The following DNAH11 variants were observed in gnomAD, a reference collection of about 807,000 sequenced individuals.
DNAH11 encodes the protein axonemal beta dynein heavy chain 11.
In DNAH11, 442 loss-of-function variants were observed where a neutral mutation model predicts 526.0. The ratio of observed to expected loss-of-function variants is 0.84; its 90% CI spans 0.78 to 0.91. The LOEUF (loss-of-function observed/expected upper bound fraction) is 0.91, where lower values mean the gene tolerates loss of function less well. DNAH11 is among the 40% of genes least tolerant of loss of function. DNAH11 has a pLI of 0.00. For missense variants in DNAH11, 6,989 were observed against 5,448.7 expected (o/e 1.28, Z -8.90); for synonymous variants, 2,461 against 1,935.9 (o/e 1.27, Z -7.12).
At chr7:21,570,583 G>A (rs1004518482) in intron 7 of DNAH11, 1 of 235,948 alleles carries the variant, frequency 4.2e-6, no homozygotes, top group Admixed American at 5.4e-5. Flanking sequence ...TAATCTGAGA[G>A]AGAGTTGTAA....
At position 21,588,646 on chromosome 7, in the gene DNAH11, T is replaced by G; in HGVS notation, c.1973+10T>G. Reference sequence around the variant, plus strand: ...CATCTCTCCGTTATCTGTAAGTAGTTAAGCTTAGGTCATGGCAAGTTATTC... The same window carrying G: ...CATCTCTCCGTTATCTGTAAGTAGTGAAGCTTAGGTCATGGCAAGTTATTC... On this transcript the variant is annotated intron_variant, in intron 11 of 81. Transcript: ENST00000409508. 6.2e-7 allele frequency: 1 copy of G among 1,612,252 alleles called. No homozygotes were observed. The highest frequency in any genetic ancestry group is 2.2e-5 in the East Asian group (1 of 44,844).
At chr7:21,806,233 A>G (rs1789259171) in intron 62 of DNAH11, among the ~76,000 whole-genome samples, 1 of 152,226 alleles carries the variant, frequency 6.6e-6, no homozygotes, top group African/African-American at 2.4e-5. Flanking sequence ...GTGAATCTTC[A>G]AATCTCAAAG....
At chr7:21,704,692 A>C in intron 38 of DNAH11, 64 bp downstream of exon 38, 1 of 1,537,800 alleles carries the variant, frequency 6.5e-7, no homozygotes, top group Non-Finnish European at 8.7e-7. Flanking sequence ...ATTGTGGCTA[A>C]TTGATACTAA....
rs1316621813 is a variant in DNAH11, at chr7:21,601,474, T to C, written c.3504T>C (p.Gly1168=). The change falls in exon 18 of 82, where the codon GGT becomes GGC. Residue 1168 remains glycine (G), a synonymous_variant. Coordinates refer to ENST00000409508, the MANE Select transcript of DNAH11 (RefSeq NM_001277115.2). The part of the protein sequence containing the change: ...QRELNEGDHD[G]LVDIMVHLLA... ...AATTAAATGAAGGTGATCATGATGGTTTAGTTGACATCATGGTGCATCTTC... is the reference window on the plus strand; with the variant it reads ...AATTAAATGAAGGTGATCATGATGGCTTAGTTGACATCATGGTGCATCTTC... The C allele has an allele frequency of 6.8e-6, 11 of 1,613,800 alleles. No homozygotes were observed. The highest frequency in any genetic ancestry group is 1.3e-5 in the African/African-American group (1 of 75,020).
chr7:21,725,124 G>T (rs1439529060), intron 44 of DNAH11, among the ~76,000 whole-genome samples: 1 of 152,212 alleles, frequency 6.6e-6, no homozygotes, highest in Non-Finnish European at 1.5e-5. Context: ...CCAGTAAAGA[G>T]AGCCTGTTCC....
chr7:21,781,306 G>A (rs192842222), intron 57 of DNAH11, among the ~76,000 whole-genome samples: 102 of 152,256 alleles, frequency 6.7e-4, no homozygotes, highest in Admixed American at 1.8e-3. Flanking sequence ...CGTGAACCTT[G>A]ACAGCCCATG....
intron 2 of DNAH11, among the ~76,000 whole-genome samples, chr7:21,554,391 T>G (rs1393565170): frequency 6.6e-6 from 1 of 152,098 alleles, no homozygotes; most frequent in Non-Finnish European, 1.5e-5. Flanking sequence ...GCTAGGCTGG[T>G]CTTGAGGCCC....
At chr7:21,844,069 G>C (rs759893745) in intron 66 of DNAH11, among the ~76,000 whole-genome samples, 1 of 152,110 alleles carries the variant, frequency 6.6e-6, no homozygotes, top group Non-Finnish European at 1.5e-5. Flanking sequence ...CGCAAACTGT[G>C]GCTTCCATGC....
rs1180958438 is a variant in DNAH11, at chr7:21,585,568, G to A, written c.1711-2496G>A. ...ATAGTACTTTAAAATCTGAAGTGCT[G>A]GTGCTCACCAAAAACCAAAACCAAA... On this transcript the variant is annotated intron_variant, in intron 9 of 81. Transcript: ENST00000409508. 2.0e-5 allele frequency among the ~76,000 whole-genome samples: 3 copies of A among 152,062 alleles called. No individual in the cohort carries two copies. The East Asian group carries it at 5.8e-4, about 29-fold the overall frequency.
chr7:21,849,709 G>A (rs1017035006), intron 66 of DNAH11, among the ~76,000 whole-genome samples: 1 of 152,044 alleles, frequency 6.6e-6, no homozygotes, highest in African/African-American at 2.4e-5. Context: ...CATAGGTAAG[G>A]TAATTTATTT....
chr7:21,854,552 T>A (rs1782761638), intron 68 of DNAH11, 97 bp downstream of exon 68: 1 of 1,222,244 alleles, frequency 8.2e-7, no homozygotes, highest in Non-Finnish European at 1.1e-6. Flanking sequence ...TAATAATAAC[T>A]ATTATTACTA....
chr7:21,562,760 A>G (rs1345946680), intron 5 of DNAH11, among the ~76,000 whole-genome samples: 1 of 152,202 alleles, frequency 6.6e-6, no homozygotes, highest in African/African-American at 2.4e-5. Flanking sequence ...TAAAAATAGT[A>G]ATTTTGAAAC....
At chr7:21,568,623 A>T (rs1562667099) in intron 6 of DNAH11, among the ~76,000 whole-genome samples, 2 of 152,178 alleles carry the variant, frequency 1.3e-5, no homozygotes, top group South Asian at 4.1e-4. Context: ...GGCTGTATGA[A>T]CAGGAGGTTC....
intron 36 of DNAH11, among the ~76,000 whole-genome samples, chr7:21,701,142 C>T (rs984342951): frequency 2.0e-5 from 3 of 152,124 alleles, no homozygotes; most frequent in Non-Finnish European, 2.9e-5. Context: ...TCTTTCCCCT[C>T]CCTTTCCTCT....
At chr7:21,706,195 A>C (rs1402528005) in intron 39 of DNAH11, among the ~76,000 whole-genome samples, 3 of 152,044 alleles carry the variant, frequency 2.0e-5, no homozygotes, top group Admixed American at 2.0e-4. Flanking sequence ...ATGATATACT[A>C]TGGGTATTAT....
chr7:21,629,392 A>G (rs1315323134), intron 25 of DNAH11, among the ~76,000 whole-genome samples: 1 of 152,120 alleles, frequency 6.6e-6, no homozygotes, highest in African/African-American at 2.4e-5. Context: ...GTTGGGTAAA[A>G]TGTTCTGTGT....
At position 21,765,615 on chromosome 7, in the gene DNAH11, C is replaced by G. The variant is rs765127109; in HGVS notation, c.9102+26C>G. On this transcript the variant is annotated intron_variant, in intron 55 of 81. Transcript: ENST00000409508. ...GTATGCCGTGTCAGCCTGCGTCACACACACACACACACACACACACACACA... is the reference window on the plus strand; with the variant it reads ...GTATGCCGTGTCAGCCTGCGTCACAGACACACACACACACACACACACACA... 2.3e-4 allele frequency: 127 copies of G among 563,148 alleles called. 3 individuals carry two copies. The African/African-American group carries it at 0.012, about 55-fold the overall frequency. The allele number at this position is 563,148 out of a possible 1,614,324, so 34.9% of individuals were successfully genotyped here. A position where few individuals can be genotyped will look rare whatever the true frequency, so the allele number is the denominator to read the frequency against.
chr7:21,808,012 T>C lies in DNAH11; in HGVS notation c.10295T>C (p.Leu3432Pro). 6.3e-7 allele frequency: 1 copy of C among 1,581,318 alleles called. No individual in the cohort carries two copies. Among genetic ancestry groups the C allele is most frequent in the South Asian group, 1.2e-5 (1 of 86,580 alleles). Residue 3432 changes from leucine (L) to proline (P), a missense_variant, in exon 63 of 82, where the codon CTG becomes CCG. Physicochemically the swap from Leu to Pro is moderately conservative, Grantham distance 98. Transcript: ENST00000409508. Reference protein sequence around the residue: ...GPFTRQYRQELVHCKWVPFLQ... With the variant: ...GPFTRQYRQEPVHCKWVPFLQ... ...TTCACAAGGCAGTATCGCCAGGAGCTGGTGCACTGCAAGTGGGTTCCCTTT... is the reference window on the plus strand; with the variant it reads ...TTCACAAGGCAGTATCGCCAGGAGCCGGTGCACTGCAAGTGGGTTCCCTTT...
chr7:21,610,079 C>A (rs1785455003), intron 20 of DNAH11, among the ~76,000 whole-genome samples: 1 of 152,084 alleles, frequency 6.6e-6, no homozygotes, highest in South Asian at 2.1e-4. Context: ...ACAGTGAAAC[C>A]CCGTCTCTAC....
Sources: gnomAD v4.1 joint callset for allele counts (sites outside exome capture counted in the v4.1 genomes callset) on GRCh38, gnomAD v4.1.1 for gene constraint, MANE v1.5 for transcripts, NCBI Gene and HGNC (gene_info 2026-07-23, HGNC 2026-07-21) for gene names.